Variants in GPC6 observed in about 807,000 individuals in gnomAD.
The protein encoded by GPC6 is glypican-6.
Under a neutral mutation model 55.2 loss-of-function variants are expected in GPC6, and 14 were observed. That is an observed-to-expected ratio of 0.25 (90% CI 0.17 to 0.40). The LOEUF is 0.40. Ranked by LOEUF, GPC6 falls within the 10% of genes least tolerant of loss-of-function variation. The probability of loss-of-function intolerance (pLI) is 1.00; values close to 1 mark genes in which losing one functional copy is unlikely to be tolerated. For missense variants in GPC6, 641 were observed against 708.5 expected, an observed-to-expected ratio of 0.90 and a Z score of 1.08; for synonymous variants, 278 against 259.6, an observed-to-expected ratio of 1.07 and a Z score of -0.68.
At chr13:94,145,182 G>T (rs990437092) in intron 4 of GPC6, among the ~76,000 whole-genome samples, 2 of 145,578 alleles carry the variant, frequency 1.4e-5, no homozygotes. Context: ...GACGGATGAT[G>T]AATGGATGGA....
At chr13:94,284,642 T>G (rs991950183) in intron 4 of GPC6, among the ~76,000 whole-genome samples, 1 of 152,114 alleles carries the variant, frequency 6.6e-6, no homozygotes, top group African/African-American at 2.4e-5. Context: ...ATCATTATAA[T>G]CAGTGCATCC....
chr13:93,258,277 A>G (rs1264249842), intron 1 of GPC6, among the ~76,000 whole-genome samples: 1 of 152,168 alleles, frequency 6.6e-6, no homozygotes, highest in Non-Finnish European at 1.5e-5. Context: ...TACTTGTAAC[A>G]CAAAGAAGCA....
At chr13:94,375,456 G>T (rs1461479040) in intron 6 of GPC6, among the ~76,000 whole-genome samples, 1 of 151,922 alleles carries the variant, frequency 6.6e-6, no homozygotes, top group Non-Finnish European at 1.5e-5. Flanking sequence ...AGAAGAAATG[G>T]ATAAATTCCT....
At chr13:94,347,261 A>G (rs1878338725) in intron 6 of GPC6, among the ~76,000 whole-genome samples, 1 of 151,500 alleles carries the variant, frequency 6.6e-6, no homozygotes, top group Admixed American at 6.6e-5. Flanking sequence ...CTCATACCCA[A>G]AATGGTCTTT....
intron 2 of GPC6, among the ~76,000 whole-genome samples, chr13:93,614,115 G>A (rs1878613761): frequency 6.6e-6 from 1 of 152,096 alleles, no homozygotes; most frequent in Non-Finnish European, 1.5e-5. Context: ...GTTTTGATTA[G>A]ACAGCAAATT....
intron 4 of GPC6, among the ~76,000 whole-genome samples, chr13:94,209,791 A>C (rs1890019121): frequency 6.6e-6 from 1 of 152,108 alleles, no homozygotes; most frequent in Admixed American, 6.5e-5. Context: ...ACCTTAAATG[A>C]GTGTTCATTG....
intron 2 of GPC6, among the ~76,000 whole-genome samples, chr13:93,825,606 G>A (rs74108860): frequency 0.034 from 5,152 of 152,154 alleles, 266 homozygotes; most frequent in East Asian, 0.17. Context: ...CTTCATTAAC[G>A]CTCCTCATTA....
chr13:93,350,172 C>T (rs747522322), intron 1 of GPC6, among the ~76,000 whole-genome samples: 5 of 152,238 alleles, frequency 3.3e-5, no homozygotes, highest in East Asian at 3.9e-4. Context: ...CAGTGGCTCA[C>T]GACTGTAACC....
intron 4 of GPC6, among the ~76,000 whole-genome samples, chr13:94,241,905 A>T (rs975440190): frequency 1.5e-4 from 22 of 151,468 alleles, no homozygotes; most frequent in Admixed American, 2.6e-4. Context: ...TTTCTTTTTA[A>T]TGTATTTTTA....
At chr13:94,281,673 C>T (rs1167932744) in intron 4 of GPC6, among the ~76,000 whole-genome samples, 24 of 152,122 alleles carry the variant, frequency 1.6e-4, no homozygotes, top group Admixed American at 1.6e-3. Flanking sequence ...AATCCAATGC[C>T]ATCCAGACAT....
chr13:93,260,562 G>A (rs1203378325), intron 1 of GPC6, among the ~76,000 whole-genome samples: 1 of 152,032 alleles, frequency 6.6e-6, no homozygotes, highest in Non-Finnish European at 1.5e-5. Flanking sequence ...AACTACTCAT[G>A]TCCTCAATTT....
intron 6 of GPC6, among the ~76,000 whole-genome samples, chr13:94,310,296 G>A (rs1421777454): frequency 1.3e-5 from 2 of 152,046 alleles, no homozygotes; most frequent in African/African-American, 4.8e-5. Flanking sequence ...AAAAAGCCAG[G>A]TTTGGAAATT....
chr13:93,748,643 A>G (rs1359628399), intron 2 of GPC6, among the ~76,000 whole-genome samples: 2 of 152,086 alleles, frequency 1.3e-5, no homozygotes, highest in Non-Finnish European at 2.9e-5. Flanking sequence ...AAATTGGTTA[A>G]TATTATTAGC....
At chr13:93,336,914 C>A (rs1880065277) in intron 1 of GPC6, among the ~76,000 whole-genome samples, 1 of 152,098 alleles carries the variant, frequency 6.6e-6, no homozygotes, top group Admixed American at 6.6e-5. Context: ...AGCTGTGCTG[C>A]TGCCATAAAA....
intron 2 of GPC6, among the ~76,000 whole-genome samples, chr13:93,577,732 G>A (rs1162752227): frequency 6.6e-6 from 1 of 151,900 alleles, no homozygotes; most frequent in Non-Finnish European, 1.5e-5. Flanking sequence ...CTCTGGCCAG[G>A]ACTTCCAATC....
intron 1 of GPC6, among the ~76,000 whole-genome samples, chr13:93,330,607 A>G (rs1879810202): frequency 6.6e-6 from 1 of 152,130 alleles, no homozygotes; most frequent in South Asian, 2.1e-4. Context: ...CTGCCTTATC[A>G]TGAAGACATA....
intron 3 of GPC6, among the ~76,000 whole-genome samples, chr13:93,847,152 G>T (rs1452954442): frequency 6.6e-6 from 1 of 152,142 alleles, no homozygotes; most frequent in Non-Finnish European, 1.5e-5. Context: ...TACAAGGAGT[G>T]CTACTTCTGT....
At chr13:94,108,456 C>A (rs1055551572) in intron 4 of GPC6, among the ~76,000 whole-genome samples, 1 of 152,046 alleles carries the variant, frequency 6.6e-6, no homozygotes, top group South Asian at 2.1e-4. Context: ...ACGGGTGCAC[C>A]GAAATCTCAC....
chr13:93,261,858 GATAA>G (rs1254288524), intron 1 of GPC6, among the ~76,000 whole-genome samples: 4 of 151,590 alleles, frequency 2.6e-5, no homozygotes, highest in Non-Finnish European at 1.5e-5. Context: ...GGAATAAACA[GATAA>G]ATAAAGATGA....
Sources: allele counts gnomAD v4.1 joint callset (sites outside exome capture counted in the v4.1 genomes callset), GRCh38; gene constraint gnomAD v4.1.1; transcripts MANE v1.5; gene names NCBI Gene and HGNC (gene_info 2026-07-23, HGNC 2026-07-21).